Variants in RBFOX1 observed in about 807,000 individuals in gnomAD.
RBFOX1 encodes RNA binding protein fox-1 homolog 1.
Under a neutral mutation model 57.7 loss-of-function variants are expected in RBFOX1, and 8 were observed. That is an observed-to-expected ratio of 0.14 (90% CI 0.08 to 0.25). The LOEUF is 0.25. RBFOX1 is among the 10% of genes least tolerant of loss of function. The pLI, the probability that RBFOX1 is intolerant of heterozygous loss-of-function variation, is 1.00. For synonymous variants in RBFOX1, 326 were observed against 222.4 expected (o/e 1.47, Z -4.15); for missense variants, 611 against 548.5 (o/e 1.11, Z -1.14).
At chr16:6,412,520 G>C (rs1234348015) in intron 2 of RBFOX1, among the ~76,000 whole-genome samples, 1 of 152,098 alleles carries the variant, frequency 6.6e-6, no homozygotes, top group East Asian at 1.9e-4. Context: ...TACTAGATTT[G>C]AGTTATCAAA....
At chr16:7,664,471 A>G (rs1393177940) in intron 12 of RBFOX1, among the ~76,000 whole-genome samples, 3 of 152,218 alleles carry the variant, frequency 2.0e-5, no homozygotes, top group African/African-American at 4.8e-5. Flanking sequence ...GCTCTAGCCC[A>G]TACTGAGAAT....
chr16:7,516,834 CT>C (rs138906317), intron 4 of RBFOX1, among the ~76,000 whole-genome samples: 154 of 148,458 alleles, frequency 1.0e-3, no homozygotes, highest in Middle Eastern at 3.5e-3. Context: ...TGAGAACAAA[CT>C]TTTTTTTTTT....
intron 4 of RBFOX1, among the ~76,000 whole-genome samples, chr16:7,429,695 A>G (rs961419221): frequency 1.3e-5 from 2 of 152,270 alleles, no homozygotes; most frequent in African/African-American, 2.4e-5. Flanking sequence ...GGTAGATAAT[A>G]TATCTTTTCC....
rs184441363 is a variant in RBFOX1, at chr16:6,603,789, C to T, written c.-63-50814C>T. 1.1e-3 allele frequency among the ~76,000 whole-genome samples: 171 copies of T among 152,246 alleles called. 1 individual carries two copies. The highest frequency in any genetic ancestry group is 4.0e-3 in the African/African-American group (168 of 41,540). ...GGGTTAACATCTGAATCATTGGCTG[C>T]CTTTTTTATTTCTCGTCCTGCTGTT... On this transcript the variant is annotated intron_variant, in intron 2 of 15. Coordinates refer to ENST00000550418, the MANE Select transcript of RBFOX1 (RefSeq NM_018723.4).
intron 3 of RBFOX1, among the ~76,000 whole-genome samples, chr16:6,899,643 T>G (rs957847205): frequency 6.6e-6 from 1 of 152,178 alleles, no homozygotes; most frequent in African/African-American, 2.4e-5. Context: ...ATGGGAAGAA[T>G]AAACGTCCAT....
chr16:6,020,405 G>C (rs988458901), intron 1 of RBFOX1, among the ~76,000 whole-genome samples: 2 of 152,166 alleles, frequency 1.3e-5, no homozygotes, highest in African/African-American at 4.8e-5. Context: ...CGCCCGCAGG[G>C]TGTGCAGGAG....
chr16:7,053,731 T>C (rs540863138), intron 4 of RBFOX1, among the ~76,000 whole-genome samples: 1 of 152,282 alleles, frequency 6.6e-6, no homozygotes, highest in East Asian at 1.9e-4. Flanking sequence ...CTCTGTTACA[T>C]AAATGCAGGG....
At chr16:7,006,308 G>T (rs1420566617) in intron 3 of RBFOX1, among the ~76,000 whole-genome samples, 2 of 151,964 alleles carry the variant, frequency 1.3e-5, no homozygotes, top group African/African-American at 4.8e-5. Context: ...GTACACACCA[G>T]TATACCCAGC....
At chr16:6,929,401 G>A (rs2076148926) in intron 3 of RBFOX1, among the ~76,000 whole-genome samples, 2 of 152,130 alleles carry the variant, frequency 1.3e-5, no homozygotes. Flanking sequence ...ACATCCACAA[G>A]CAGTATTGAT....
intron 4 of RBFOX1, among the ~76,000 whole-genome samples, chr16:7,286,290 T>C (rs1048862308): frequency 6.6e-6 from 1 of 152,098 alleles, no homozygotes; most frequent in Admixed American, 6.6e-5. Flanking sequence ...AAATTTCATA[T>C]CCTTCCACCT....
chr16:7,436,535 C>T (rs972898761), intron 4 of RBFOX1, among the ~76,000 whole-genome samples: 2 of 152,200 alleles, frequency 1.3e-5, no homozygotes, highest in Non-Finnish European at 2.9e-5. Flanking sequence ...TCCAACAACT[C>T]TAGGGGGCAG....
At chr16:7,125,184 G>T (rs1270738816) in intron 4 of RBFOX1, among the ~76,000 whole-genome samples, 1 of 152,132 alleles carries the variant, frequency 6.6e-6, no homozygotes, top group Non-Finnish European at 1.5e-5. Flanking sequence ...TAAGGGCTTG[G>T]GGGACGGGCC....
At chr16:7,360,911 C>A (rs2097307946) in intron 4 of RBFOX1, among the ~76,000 whole-genome samples, 1 of 152,216 alleles carries the variant, frequency 6.6e-6, no homozygotes, top group African/African-American at 2.4e-5. Context: ...GTATCCTTAT[C>A]CTTGGAGAGT....
chr16:5,840,370 C>G (rs1000836909), intron 3 of RBFOX1, among the ~76,000 whole-genome samples: 1 of 152,150 alleles, frequency 6.6e-6, no homozygotes. Context: ...GAGGCCACCC[C>G]CTGTCCCCAG....
intron 3 of RBFOX1, among the ~76,000 whole-genome samples, chr16:6,837,851 A>T (rs972804681): frequency 6.6e-6 from 1 of 152,124 alleles, no homozygotes; most frequent in Non-Finnish European, 1.5e-5. Context: ...CACATTGAAG[A>T]CTGGCGGAAA....
intron 1 of RBFOX1, among the ~76,000 whole-genome samples, chr16:6,210,348 AAAAAAAAAACAC>A (rs1567684253): frequency 1.4e-4 from 14 of 101,940 alleles, no homozygotes; most frequent in South Asian, 3.6e-4. Context: ...AAAAAAACAA[AAAAAAAAAACAC>A]CAAAAAAAAA....
At chr16:7,261,198 G>T (rs565057894) in intron 4 of RBFOX1, among the ~76,000 whole-genome samples, 1 of 152,188 alleles carries the variant, frequency 6.6e-6, no homozygotes, top group Non-Finnish European at 1.5e-5. Flanking sequence ...GTGAATTTGG[G>T]TAAGTCACTT....
intron 14 of RBFOX1, among the ~76,000 whole-genome samples, chr16:7,691,922 AGGTT>A (rs1304785910): frequency 2.0e-5 from 3 of 152,124 alleles, no homozygotes; most frequent in East Asian, 1.9e-4. Flanking sequence ...CTGTAAATAG[AGGTT>A]ATTCTAAGTG....
intron 3 of RBFOX1, among the ~76,000 whole-genome samples, chr16:6,855,776 C>A (rs374069495): frequency 4.0e-5 from 6 of 150,202 alleles, no homozygotes; most frequent in African/African-American, 1.3e-4. Context: ...TATCCTCTAC[C>A]TTTAGAGGAT....
Sources: allele counts gnomAD v4.1 joint callset (sites outside exome capture counted in the v4.1 genomes callset), GRCh38; gene constraint gnomAD v4.1.1; transcripts MANE v1.5; gene names NCBI Gene and HGNC (gene_info 2026-07-23, HGNC 2026-07-21).